The following MTCL1 variants were observed in gnomAD, a reference collection of about 807,000 sequenced individuals.
MTCL1 encodes microtubule crosslinking factor 1.
MTCL1 carries 79 observed loss-of-function variants against 141.4 expected under a neutral mutation model. That is an observed-to-expected ratio of 0.56 (90% CI 0.47 to 0.67). The LOEUF (loss-of-function observed/expected upper bound fraction) is 0.67. MTCL1 is among the 30% of genes least tolerant of loss of function. MTCL1 has a pLI of 0.00. For synonymous variants in MTCL1, 914 were observed against 875.8 expected, an observed-to-expected ratio of 1.04 and a Z score of -0.77; for missense variants, 2,177 against 2,113.9, an observed-to-expected ratio of 1.03 and a Z score of -0.59.
At position 8,789,591 on chromosome 18, in the gene MTCL1, G is replaced by T. The variant is rs75914404; in HGVS notation, c.1888-3407G>T. The stretch of plus-strand genomic sequence containing the variant: ...TGGACGGGAGTTCCGGAACACTGAC[G>T]TGGGGAGAATGGTTACAATTGTCAA... On this transcript the variant is annotated intron_variant, in intron 7 of 16. Transcript: ENST00000359865. 3.2e-3 allele frequency: 3,188 copies of T among 985,418 alleles called. 73 individuals carry two copies. In the African/African-American group the frequency reaches 0.051, roughly 16 times the overall value. 61.0% of individuals were successfully genotyped at this position (985,418 alleles called of 1,614,324 possible).
At chr18:8,764,408 C>G (rs2096448992) in intron 4 of MTCL1, among the ~76,000 whole-genome samples, 1 of 151,880 alleles carries the variant, frequency 6.6e-6, no homozygotes, top group South Asian at 2.1e-4. Context: ...ACCTCTGCCT[C>G]CCGGGTTCAA....
chr18:8,744,184 C>A (rs1415476567), intron 4 of MTCL1, among the ~76,000 whole-genome samples: 1 of 152,260 alleles, frequency 6.6e-6, no homozygotes, highest in Non-Finnish European at 1.5e-5. Flanking sequence ...CTGGCAGCTG[C>A]CCGGGCCCAC....
intron 4 of MTCL1, among the ~76,000 whole-genome samples, chr18:8,763,957 T>C (rs979092699): frequency 1.4e-5 from 2 of 139,514 alleles, no homozygotes; most frequent in African/African-American, 5.9e-5. Flanking sequence ...GGGATTTTTA[T>C]TTCAGACTTT....
chr18:8,746,927 A>G (rs2096341850), intron 4 of MTCL1, among the ~76,000 whole-genome samples: 1 of 152,202 alleles, frequency 6.6e-6, no homozygotes, highest in African/African-American at 2.4e-5. Flanking sequence ...CAAAAGTGGA[A>G]TGGGACAGGG....
intron 8 of MTCL1, among the ~76,000 whole-genome samples, chr18:8,794,266 A>G (rs1439693180): frequency 6.6e-6 from 1 of 152,226 alleles, no homozygotes; most frequent in East Asian, 1.9e-4. Context: ...TGTTTCTAGT[A>G]TGTGGGTTAA....
intron 10 of MTCL1, 122 bp downstream of exon 9, chr18:8,798,413 A>G: frequency 6.4e-6 from 5 of 787,184 alleles, no homozygotes; most frequent in Non-Finnish European, 7.5e-6. Context: ...CCACCGCCTG[A>G]CTGCGGTCAC....
At chr18:8,783,609 T>C in exon 6 of MTCL1, 2 of 1,613,524 alleles carry the variant, frequency 1.2e-6, no homozygotes, top group African/African-American at 1.3e-5. Flanking sequence ...ATGGCCAAGC[T>C]AGGAAGGGAG....
rs150820747 is a variant in MTCL1 at position 8,745,078 on chromosome 18, T to C, written c.357+24582T>C. ...CCCACCTCCTGATTTTGAGAGGCTT[T>C]GGGAATTGGAGATTTTCAGTTATAA... On this transcript the variant is annotated intron_variant, in intron 4 of 16. Transcript: ENST00000359865. Among the ~76,000 whole-genome samples, 276 of 152,362 alleles carry C rather than the reference T, an allele frequency of 1.8e-3. 1 individual carries two copies. Among genetic ancestry groups the C allele is most frequent in the African/African-American group, 6.3e-3 (261 of 41,584 alleles).
At chr18:8,756,822 G>A (rs949450422) in intron 4 of MTCL1, among the ~76,000 whole-genome samples, 1 of 152,166 alleles carries the variant, frequency 6.6e-6, no homozygotes, top group Non-Finnish European at 1.5e-5. Context: ...GAATCCCAAG[G>A]AATATATTTA....
chr18:8,750,873 C>A (rs577809512), intron 4 of MTCL1, among the ~76,000 whole-genome samples: 9 of 152,274 alleles, frequency 5.9e-5, no homozygotes, highest in Middle Eastern at 6.8e-3. Context: ...AAGCTGGTCC[C>A]CCTTTGGCAT....
At chr18:8,784,036 G>A (rs1384019141) in exon 6 of MTCL1, 4 of 1,613,500 alleles carry the variant, frequency 2.5e-6, no homozygotes, top group East Asian at 4.5e-5. Context: ...AGCTCAGCAA[G>A]TTTAAGTTTG....
intron 4 of MTCL1, among the ~76,000 whole-genome samples, chr18:8,770,104 G>T (rs2096478799): frequency 1.3e-5 from 2 of 152,240 alleles, no homozygotes; most frequent in Non-Finnish European, 2.9e-5. Flanking sequence ...GGCTATGAGA[G>T]TCCTGGAAGG....
At chr18:8,740,372 TTA>T (rs1200945629) in intron 4 of MTCL1, among the ~76,000 whole-genome samples, 6 of 152,214 alleles carry the variant, frequency 3.9e-5, no homozygotes, top group Admixed American at 6.5e-5. Flanking sequence ...AACATCAGTT[TTA>T]TTTGTATGTT....
chr18:8,766,442 G>A (rs886206337), intron 4 of MTCL1, among the ~76,000 whole-genome samples: 4 of 152,200 alleles, frequency 2.6e-5, no homozygotes, highest in Non-Finnish European at 5.9e-5. Flanking sequence ...GGCCTGGGGC[G>A]CCCCAGTGGG....
intron 5 of MTCL1, among the ~76,000 whole-genome samples, chr18:8,781,351 G>C (rs2096532081): frequency 6.6e-6 from 1 of 152,060 alleles, no homozygotes; most frequent in Non-Finnish European, 1.5e-5. Flanking sequence ...TAGCCCATTT[G>C]CCTCAGTAGT....
In MTCL1 at chr18:8,786,078, G is replaced by C. The variant is rs1002211729; in HGVS notation, c.1874G>C (p.Cys625Ser). Residue 625 changes from cysteine to serine, a missense_variant, in exon 7 of 17, where the codon TGC (cysteine) becomes TCC (serine). Physicochemically the swap from Cys to Ser is moderately radical, Grantham distance 112. Transcript: ENST00000359865. ...AGCCACGGGCTGGGAGGCCAGACCT[G>C]CTTCAGCCTGGAGGTCAGCGTGGGC... 3.2e-6 allele frequency: 5 copies of C among 1,572,668 alleles called. No individual in the cohort carries two copies. The highest frequency in any genetic ancestry group is 3.5e-6 in the Non-Finnish European group (4 of 1,159,416).
At chr18:8,783,508 C>T (rs768031095) in intron 5 of MTCL1, 22 bp from the exon 5 acceptor site, 2 of 1,566,182 alleles carry the variant, frequency 1.3e-6, no homozygotes, top group South Asian at 2.3e-5. Flanking sequence ...AACCCTTCTC[C>T]CGGGCTGTTC....
chr18:8,826,896 G>A (rs1409946824), intron 15 of MTCL1, among the ~76,000 whole-genome samples: 1 of 152,194 alleles, frequency 6.6e-6, no homozygotes, highest in Non-Finnish European at 1.5e-5. Flanking sequence ...ACTGTGAATT[G>A]GGTTCTGATG....
intron 7 of MTCL1, among the ~76,000 whole-genome samples, chr18:8,792,711 T>C (rs781064515): frequency 1.3e-5 from 2 of 152,202 alleles, no homozygotes; most frequent in Non-Finnish European, 2.9e-5. Context: ...TTTGACTTCC[T>C]TCTCTCAGTC....
Sources: gnomAD v4.1 joint callset for allele counts (sites outside exome capture counted in the v4.1 genomes callset) on GRCh38, gnomAD v4.1.1 for gene constraint, MANE v1.5 for transcripts, NCBI Gene and HGNC (gene_info 2026-07-23, HGNC 2026-07-21) for gene names.